Variants in ZNF169 observed in about 807,000 individuals in gnomAD.
ZNF169 encodes zinc finger protein 169.
ZNF169 carries 11 observed loss-of-function variants against 12.0 expected under a neutral mutation model. The ratio of observed to expected loss-of-function variants is 0.92; its 90% CI spans 0.58 to 1.52. ZNF169 has a LOEUF of 1.52. Among genes scored for constraint, ZNF169 ranks in the 40% most tolerant of loss-of-function variants. The pLI, the probability that ZNF169 is intolerant of heterozygous loss-of-function variation, is 0.00. For missense variants in ZNF169, 722 were observed against 744.0 expected (o/e 0.97, Z 0.34); for synonymous variants, 302 against 286.5 (o/e 1.05, Z -0.55).
intron 4 of ZNF169, among the ~76,000 whole-genome samples, chr9:94,297,532 C>CCAGATGGAA (rs1487161942): frequency 6.6e-6 from 1 of 152,136 alleles, no homozygotes; most frequent in Non-Finnish European, 1.5e-5. Context: ...TCTCTGTATT[C>CCAGATGGAA]CAGATGGAAT....
chr9:94,287,300 C>T (rs59637453), intron 2 of ZNF169, among the ~76,000 whole-genome samples: 3,909 of 152,262 alleles, frequency 0.026, 159 homozygotes, highest in African/African-American at 0.089. Flanking sequence ...ATACTTGCAT[C>T]CCAGACATAC....
At chr9:94,259,960 C>T (rs1320070179) in intron 1 of ZNF169, among the ~76,000 whole-genome samples, 7 of 152,054 alleles carry the variant, frequency 4.6e-5, no homozygotes, top group Admixed American at 6.6e-5. Context: ...AGTGCAGTGG[C>T]GCAATCTCGG....
intron 1 of ZNF169, among the ~76,000 whole-genome samples, chr9:94,264,750 TA>T (rs558026536): frequency 2.8e-4 from 42 of 152,338 alleles, no homozygotes; most frequent in African/African-American, 9.9e-4. Flanking sequence ...TCCCTATCAC[TA>T]AAGTTTTGCC....
At position 94,300,837 on chromosome 9, in the gene ZNF169, G is replaced by A. The variant is rs769515670; in HGVS notation, c.1279G>A (p.Glu427Lys). ...CAGGCACCAGAGGACACACACAGGG[G>A]AGAAGCCTTACCTGTGCCCCCAGTG... ...LIRHQRTHTG[E>K]KPYLCPQCGR... The change falls in exon 5 of 5, where the codon GAG becomes AAG. Residue 427 changes from glutamate to lysine, a missense_variant. Glu to Lys is a moderately conservative substitution (Grantham distance 56). Transcript: ENST00000395395. The A allele has an allele frequency of 3.1e-6, 5 of 1,614,032 alleles. No individual in the cohort carries two copies. The Admixed American group carries it at 5.0e-5, about 16-fold the overall frequency.
At position 94,300,425 on chromosome 9, in the gene ZNF169, G is replaced by A. The variant is rs762779805; in HGVS notation, c.867G>A (p.Pro289=). The change falls in exon 5 of 5, where the codon CCG becomes CCA. Residue 289 remains proline, a synonymous_variant. Coordinates refer to ENST00000395395, the MANE Select transcript of ZNF169 (RefSeq NM_194320.4). The part of the protein sequence containing the change: ...IHQRKHSGEK[P]YVCRECGRHF... ...AGAGGAAGCACTCGGGGGAGAAGCC[G>A]TATGTGTGCAGGGAATGTGGGCGAC... 6.2e-6 allele frequency: 10 copies of A among 1,612,644 alleles called. No homozygotes were observed. The highest frequency in any genetic ancestry group is 1.7e-5 in the Admixed American group (1 of 59,874).
chr9:94,285,017 C>G (rs560406372), intron 2 of ZNF169, among the ~76,000 whole-genome samples: 1 of 152,038 alleles, frequency 6.6e-6, no homozygotes, highest in Non-Finnish European at 1.5e-5. Context: ...TAGTGTCATA[C>G]TGGCATAAGG....
At chr9:94,292,847 T>G in intron 3 of ZNF169, 127 bp from the exon 4 acceptor site, 1 of 745,430 alleles carries the variant, frequency 1.3e-6, no homozygotes, top group East Asian at 2.7e-5. Context: ...CAGACATAGT[T>G]TACTCCACCC....
chr9:94,293,466 G>C (rs574497079), intron 4 of ZNF169: 1 of 461,788 alleles, frequency 2.2e-6, no homozygotes, highest in East Asian at 4.4e-5. Flanking sequence ...ACCCAGGCTG[G>C]AGTGCAATGG....
Position 94,278,856 on chromosome 9 carries a change from A to C in ZNF169, c.33+11A>C. The stretch of plus-strand genomic sequence containing the variant: ...ACAACCAGGAAGGAGGTAAGTCCTG[A>C]AATTTCTTCCTAGCTATTGCAGGAA... On this transcript the variant is annotated intron_variant, in intron 2 of 4. Transcript: ENST00000395395. 1 of 1,613,744 alleles carries C rather than the reference A, an allele frequency of 6.2e-7. No individual in the cohort carries two copies. The highest frequency in any genetic ancestry group is 8.5e-7 in the Non-Finnish European group (1 of 1,179,818).
chr9:94,260,405 G>A (rs1830180768), intron 1 of ZNF169, among the ~76,000 whole-genome samples: 1 of 152,110 alleles, frequency 6.6e-6, no homozygotes, highest in South Asian at 2.1e-4. Flanking sequence ...TGGTGGTGAT[G>A]GTGCAGCTTG....
At chr9:94,269,800 TA>T (rs1290882968) in intron 1 of ZNF169, among the ~76,000 whole-genome samples, 1 of 152,210 alleles carries the variant, frequency 6.6e-6, no homozygotes, top group Non-Finnish European at 1.5e-5. Context: ...TGCATTTGTC[TA>T]AAGATGTAAG....
chr9:94,282,773 A>G (rs888506986), intron 2 of ZNF169, among the ~76,000 whole-genome samples: 7 of 152,186 alleles, frequency 4.6e-5, no homozygotes, highest in Admixed American at 2.0e-4. Flanking sequence ...CCTACAGCAT[A>G]GCATCAATTT....
At chr9:94,277,515 T>C (rs192946833) in intron 1 of ZNF169, among the ~76,000 whole-genome samples, 25 of 152,318 alleles carry the variant, frequency 1.6e-4, no homozygotes, top group Admixed American at 5.2e-4. Context: ...TTCCTTGTTA[T>C]GCCAGAGTCA....
intron 3 of ZNF169, 100 bp from the exon 4 acceptor site, chr9:94,292,874 C>T (rs962864107): frequency 9.9e-7 from 1 of 1,008,608 alleles, no homozygotes; most frequent in Non-Finnish European, 1.5e-6. Flanking sequence ...CTCCCTACCA[C>T]CTTCTGGGTT....
At chr9:94,299,334 C>T (rs1306427207) in intron 4 of ZNF169, 8 of 407,548 alleles carry the variant, frequency 2.0e-5, no homozygotes, top group Non-Finnish European at 3.4e-5. Flanking sequence ...TTCGTGGGTG[C>T]CCCTTACTTG....
chr9:94,278,059 A>T (rs1351411187), intron 1 of ZNF169, among the ~76,000 whole-genome samples: 1 of 152,216 alleles, frequency 6.6e-6, no homozygotes, highest in Non-Finnish European at 1.5e-5. Context: ...GCAAGACAGG[A>T]TCCAGTCAAG....
At chr9:94,281,024 A>G (rs1587678957) in intron 2 of ZNF169, among the ~76,000 whole-genome samples, 1 of 152,338 alleles carries the variant, frequency 6.6e-6, no homozygotes, top group East Asian at 1.9e-4. Context: ...GAACATACTG[A>G]CATACTGATT....
At position 94,285,887 on chromosome 9, in the gene ZNF169, T is replaced by C. The variant is rs138945327; in HGVS notation, c.34-6454T>C. On this transcript the variant is annotated intron_variant, in intron 2 of 4. Coordinates refer to ENST00000395395, the MANE Select transcript of ZNF169 (RefSeq NM_194320.4). ...TTAGCTGGATGTGGTGGTGCATGCC[T>C]GTAATCCCAGCTGCTCAGGAGGCTG... Among the ~76,000 whole-genome samples, 470 of 152,168 alleles carry C rather than the reference T, an allele frequency of 3.1e-3. 2 individuals carry two copies. The highest frequency in any genetic ancestry group is 0.011 in the African/African-American group (453 of 41,504).
chr9:94,278,744 A>G lies in ZNF169; in HGVS notation c.-55-14A>G. The G allele has an allele frequency of 1.3e-6, 2 of 1,505,642 alleles. No individual in the cohort carries two copies. Among genetic ancestry groups the G allele is most frequent in the East Asian group, 4.5e-5 (2 of 44,274 alleles). 93.3% of individuals were successfully genotyped at this position (1,505,642 alleles called of 1,614,324 possible). ...TTCCCAAGTACCTCTCTCACTTCTCATCTCTTTCCCCAGATTTGCCTCTGC... is the reference window on the plus strand; with the variant it reads ...TTCCCAAGTACCTCTCTCACTTCTCGTCTCTTTCCCCAGATTTGCCTCTGC... On this transcript the variant is annotated splice_polypyrimidine_tract_variant and intron_variant, in intron 1 of 4. Coordinates refer to ENST00000395395, the MANE Select transcript of ZNF169 (RefSeq NM_194320.4).
Sources: gnomAD v4.1 joint callset for allele counts (sites outside exome capture counted in the v4.1 genomes callset) on GRCh38, gnomAD v4.1.1 for gene constraint, MANE v1.5 for transcripts, NCBI Gene and HGNC (gene_info 2026-07-23, HGNC 2026-07-21) for gene names.